USP32: variants seen among roughly 807,000 people sequenced by gnomAD.
USP32 encodes ubiquitin specific peptidase 32, also known as ubiquitin carboxyl-terminal hydrolase 32.
In USP32, 59 loss-of-function variants were observed where a neutral mutation model predicts 204.8. That is an observed-to-expected ratio of 0.29 (90% CI 0.23 to 0.36). The LOEUF is 0.36. Among genes scored for constraint, USP32 ranks in the 10% least tolerant of loss-of-function variants. The pLI, the probability that USP32 is intolerant of heterozygous loss-of-function variation, is 1.00. For missense variants in USP32, 1,160 were observed against 1,946.4 expected, an observed-to-expected ratio of 0.60 and a Z score of 7.60; for synonymous variants, 517 against 678.4, an observed-to-expected ratio of 0.76 and a Z score of 3.70.
chr17:60,283,571 T>C (rs888364901), intron 5 of USP32, among the ~76,000 whole-genome samples: 1 of 151,934 alleles, frequency 6.6e-6, no homozygotes, highest in South Asian at 2.1e-4. Flanking sequence ...GAATCTAATA[T>C]GAAGCTTGAC....
rs2086583112 is a variant in USP32 at position 60,266,061 on chromosome 17, T to C, written c.842A>G (p.Asp281Gly). Reference protein sequence around the residue: ...FCFKVFDVDRDGVLSRVELRD... With the variant: ...FCFKVFDVDRGGVLSRVELRD... ...CAGTTCAACCCTGGAGAGAACTCCA[T>C]CACGGTCAACATCAAATACCTTGAA... Residue 281 changes from aspartate (D) to glycine (G), a missense_variant, in exon 8 of 34, where the codon GAT becomes GGT. Asp to Gly is a moderately conservative substitution (Grantham distance 94). Coordinates refer to ENST00000300896, the MANE Select transcript of USP32 (RefSeq NM_032582.4). 3.1e-6 allele frequency: 5 copies of C among 1,614,044 alleles called. No homozygotes were observed. The highest frequency in any genetic ancestry group is 2.2e-5 in the South Asian group (2 of 91,086).
intron 1 of USP32, among the ~76,000 whole-genome samples, chr17:60,364,924 C>A (rs2089283333): frequency 6.6e-6 from 1 of 152,070 alleles, no homozygotes. Flanking sequence ...GTAAAGAAAG[C>A]CACAAATAAC....
At chr17:60,334,098 A>G (rs911047641) in intron 2 of USP32, among the ~76,000 whole-genome samples, 3 of 152,182 alleles carry the variant, frequency 2.0e-5, no homozygotes, top group Non-Finnish European at 4.4e-5. Flanking sequence ...TCATATGGAG[A>G]TGATTAGCAC....
intron 2 of USP32, among the ~76,000 whole-genome samples, chr17:60,318,722 A>G (rs191873954): frequency 2.0e-5 from 3 of 152,288 alleles, no homozygotes; most frequent in Non-Finnish European, 4.4e-5. Flanking sequence ...CAAAACACAA[A>G]AATTTTACTG....
At position 60,419,230 on chromosome 17, in the gene USP32, G is replaced by A. The variant is rs1025893361; in HGVS notation, c.106+3016C>T. On this transcript the variant is annotated intron_variant, in intron 1 of 3. Coordinates refer to the USP32 transcript ENST00000588898. ...CCCTTGCAGGAACATTGATGGAGCT[G>A]AAGGCCATTATCCTTAGAAAACTAA... 4.6e-5 allele frequency among the ~76,000 whole-genome samples: 7 copies of A among 152,304 alleles called. No homozygotes were observed. In the Middle Eastern group the frequency reaches 0.01, roughly 222 times the overall value.
chr17:60,392,740 C>A, upstream of USP32: 2 of 385,018 alleles, frequency 5.2e-6, no homozygotes, highest in South Asian at 1.8e-5. Context: ...CAAAAGAATG[C>A]TCACACCTAG....
intron 2 of USP32, among the ~76,000 whole-genome samples, chr17:60,304,093 T>C (rs2087659778): frequency 6.6e-6 from 1 of 151,950 alleles, no homozygotes; most frequent in Non-Finnish European, 1.5e-5. Context: ...ATCACACCTA[T>C]AATCCCAAAA....
intron 16 of USP32, among the ~76,000 whole-genome samples, chr17:60,217,434 A>T (rs1351469493): frequency 6.6e-6 from 1 of 152,120 alleles, no homozygotes; most frequent in Non-Finnish European, 1.5e-5. Flanking sequence ...AGCTGGGATT[A>T]CAGACACCTG....
chr17:60,299,268 G>A (rs539893084), intron 3 of USP32, among the ~76,000 whole-genome samples: 26 of 152,248 alleles, frequency 1.7e-4, no homozygotes, highest in African/African-American at 6.0e-4. Context: ...TGTCCATTTT[G>A]TGCTGCTATA....
chr17:60,186,510 T>C (rs553354032), intron 29 of USP32, among the ~76,000 whole-genome samples: 1 of 152,338 alleles, frequency 6.6e-6, no homozygotes, highest in East Asian at 1.9e-4. Flanking sequence ...CACAGAGTTA[T>C]CAGAATACCA....
intron 12 of USP32, among the ~76,000 whole-genome samples, chr17:60,235,064 TTCAG>T (rs928307058): frequency 6.6e-6 from 1 of 152,162 alleles, no homozygotes; most frequent in Non-Finnish European, 1.5e-5. Context: ...GTCAGTGCAG[TTCAG>T]TCTGTTTATA....
intron 5 of USP32, among the ~76,000 whole-genome samples, chr17:60,277,402 AC>A (rs903493585): frequency 6.6e-6 from 1 of 152,212 alleles, no homozygotes; most frequent in Admixed American, 6.5e-5. Flanking sequence ...AGGAGCAATG[AC>A]CTTCTGAGAT....
At chr17:60,346,918 A>G (rs1023242312) in intron 1 of USP32, among the ~76,000 whole-genome samples, 3 of 152,368 alleles carry the variant, frequency 2.0e-5, no homozygotes, top group Non-Finnish European at 2.9e-5. Flanking sequence ...ATAAACCTAG[A>G]GAGGCAGCAA....
rs1418058130 is a variant in USP32, at chr17:60,301,680, T to C, written c.211A>G (p.Thr71Ala). The C allele has an allele frequency of 6.2e-7, 1 of 1,600,898 alleles. No individual in the cohort carries two copies. Among genetic ancestry groups the C allele is most frequent in the Non-Finnish European group, 8.5e-7 (1 of 1,176,640 alleles). ...TTATTGAAGTGCAGCCCTTTGGATG[T>C]TCCACCAAAAGAACAGTAAATCACC... is the stretch of plus-strand genomic sequence containing the variant. ...AEVIYCSFGGTSKGLHFNNLI... is the reference protein window; with the variant it reads ...AEVIYCSFGGASKGLHFNNLI... The change falls in exon 3 of 34, where the codon ACA becomes GCA. Residue 71 changes from threonine (T) to alanine (A), a missense_variant. Coordinates refer to ENST00000300896, the MANE Select transcript of USP32 (RefSeq NM_032582.4).
intron 27 of USP32, among the ~76,000 whole-genome samples, chr17:60,196,237 G>A (rs1481131325): frequency 6.9e-6 from 1 of 145,728 alleles, no homozygotes; most frequent in Admixed American, 6.8e-5. Context: ...CTGCACTCCA[G>A]CCTGGTGACA....
chr17:60,234,026 T>G (rs1407423307), intron 12 of USP32, among the ~76,000 whole-genome samples: 1 of 152,116 alleles, frequency 6.6e-6, no homozygotes, highest in Non-Finnish European at 1.5e-5. Flanking sequence ...CATGGCTCAC[T>G]GCAGTCTTGA....
At chr17:60,236,334 G>T in intron 11 of USP32, 94 bp from the exon 12 acceptor site, 1 of 1,034,244 alleles carries the variant, frequency 9.7e-7, no homozygotes, top group Non-Finnish European at 1.5e-6. Flanking sequence ...AAGGAAAACC[G>T]CGAAACATTT....
chr17:60,190,081 T>C (rs2084339756), intron 29 of USP32, among the ~76,000 whole-genome samples: 1 of 152,200 alleles, frequency 6.6e-6, no homozygotes, highest in Non-Finnish European at 1.5e-5. Context: ...GGTGCCATTC[T>C]TGCAGTAGTT....
Position 60,391,964 on chromosome 17 carries a change from G to C in USP32, c.-25C>G. ...TGCTCCCCTCATCCCCTCGGCGGGG[G>C]GTCGGAGCCTGATCTCGCCCCCACC... On this transcript the variant is annotated 5_prime_UTR_variant, in exon 1 of 34. Coordinates refer to ENST00000300896, the MANE Select transcript of USP32 (RefSeq NM_032582.4). 6.2e-7 allele frequency: 1 copy of C among 1,606,350 alleles called. No individual in the cohort carries two copies. Among genetic ancestry groups the C allele is most frequent in the Non-Finnish European group, 8.5e-7 (1 of 1,176,766 alleles).
Sources: gnomAD v4.1 joint callset for allele counts (sites outside exome capture counted in the v4.1 genomes callset) on GRCh38, gnomAD v4.1.1 for gene constraint, MANE v1.5 for transcripts, NCBI Gene and HGNC (gene_info 2026-07-23, HGNC 2026-07-21) for gene names.